The following CSF2RA variants were observed in gnomAD, a reference collection of about 807,000 sequenced individuals.
The protein encoded by CSF2RA is colony stimulating factor 2 receptor subunit alpha, also known as granulocyte-macrophage colony-stimulating factor receptor subunit alpha.
In CSF2RA, 42 loss-of-function variants were observed where a neutral mutation model predicts 51.6. That is an observed-to-expected ratio of 0.81 (90% CI 0.64 to 1.05). The LOEUF is 1.05. Among genes scored for constraint, CSF2RA ranks in the 50% least tolerant of loss-of-function variants. The pLI, the probability that CSF2RA is intolerant of heterozygous loss-of-function variation, is 0.00. For synonymous variants in CSF2RA, 222 were observed against 193.0 expected, an observed-to-expected ratio of 1.15 and a Z score of -1.24; for missense variants, 530 against 501.1, an observed-to-expected ratio of 1.06 and a Z score of -0.55.
At chrX:1,277,867 C>T (rs2089398662) in intron 2 of CSF2RA, among the ~76,000 whole-genome samples, 1 of 147,942 alleles carries the variant, frequency 6.8e-6, no homozygotes, top group Admixed American at 6.9e-5. Context: ...GTCCCAGCTA[C>T]TCGGGAGGCT....
rs1163547650 is a variant in CSF2RA, at chrX:1,283,478, CTCTCTCTCTT to C, written c.76+703_76+712del. Among the ~76,000 whole-genome samples the C allele has an allele frequency of 1.9e-4, 16 of 83,810 alleles. No homozygotes were observed. The East Asian group carries it at 2.9e-3, about 15-fold the overall frequency. 55.0% of individuals were successfully genotyped at this position (83,810 alleles called of 152,430 possible). On this transcript the variant is annotated intron_variant, in intron 3 of 12. Coordinates refer to ENST00000381529, the MANE Select transcript of CSF2RA (RefSeq NM_172245.4). ...CTTCCTTCCCTCCCTCCCTCCCTCT[CTCTCTCTCTT>C]TCTTTCTTTCTTTCTCCTTTTTTTT...
the CSF2RA span, among the ~76,000 whole-genome samples, chrX:1,325,000 C>T: frequency 6.6e-5 from 10 of 151,950 alleles, no homozygotes; most frequent in Non-Finnish European, 1.3e-4. Context: ...AACTGGCCAC[C>T]GACACCAGGT....
At chrX:1,319,172 T>A in the CSF2RA span, among the ~76,000 whole-genome samples, 2 of 148,814 alleles carry the variant, frequency 1.3e-5, no homozygotes, top group Non-Finnish European at 3.0e-5. Flanking sequence ...ATTTTTGTAT[T>A]TTTAGTAAAG....
rs1324099007 is a variant in CSF2RA at position 1,281,063 on chromosome X, C to CTCCTTCTCCTCCTCT, written c.-26-1601_-26-1600insTTCCTTCTCCTCCTC. On this transcript the variant is annotated intron_variant, in intron 2 of 12. Transcript: ENST00000381529. ...TTCTCCTCCTGCTCCCCTTCTCCTC[C>CTCCTTCTCCTCCTCT]TCCTTCTCCTCCTCCTCCTTCTCCT... 2.3e-3 allele frequency among the ~76,000 whole-genome samples: 199 copies of CTCCTTCTCCTCCTCT among 85,004 alleles called. 11 individuals are homozygous for CTCCTTCTCCTCCTCT. Among genetic ancestry groups the CTCCTTCTCCTCCTCT allele is most frequent in the African/African-American group, 9.2e-3 (190 of 20,748 alleles). The allele number at this position is 85,004 out of a possible 152,430, so 55.8% of individuals were successfully genotyped here. A position where few individuals can be genotyped will look rare whatever the true frequency, so the allele number is the denominator to read the frequency against.
At chrX:1,301,165 A>G (rs2092342613) in intron 10 of CSF2RA, among the ~76,000 whole-genome samples, 1 of 111,526 alleles carries the variant, frequency 9.0e-6, no homozygotes, top group Non-Finnish European at 2.0e-5. Context: ...AAAAAAAAAG[A>G]AAAAAAAATA....
At chrX:1,282,857 C>G in intron 3 of CSF2RA, 78 bp downstream of exon 3, 1 of 1,173,140 alleles carries the variant, frequency 8.5e-7, no homozygotes. Context: ...ATCTGGATAC[C>G]TGGGTCCATC....
At chrX:1,295,319 ACTCCTTCCC>A in intron 8 of CSF2RA, 99 bp from the exon 9 acceptor site, 2 of 1,395,506 alleles carry the variant, frequency 1.4e-6, no homozygotes. Context: ...CTCCGCAGGG[ACTCCTTCCC>A]ATTCGGTGCC....
intron 8 of CSF2RA, 144 bp from the exon 9 acceptor site, chrX:1,295,283 G>A: frequency 2.0e-6 from 2 of 980,578 alleles, no homozygotes; most frequent in Non-Finnish European, 3.3e-6. Context: ...TAGATTCGGG[G>A]TTTGTGGAGG....
At chrX:1,317,246 C>CTTTTTTTTTTTTTTTT in the CSF2RA span, among the ~76,000 whole-genome samples, 69 of 57,830 alleles carry the variant, frequency 1.2e-3, no homozygotes, top group Admixed American at 1.5e-3. Flanking sequence ...CCACGCTCAG[C>CTTTTTTTTTTTTTTTT]TTTTTTTTTT....
intron 10 of CSF2RA, among the ~76,000 whole-genome samples, chrX:1,301,164 G>GAA (rs367840456): frequency 7.1e-5 from 8 of 112,774 alleles, no homozygotes; most frequent in Non-Finnish European, 1.1e-4. Flanking sequence ...AAAAAAAAAA[G>GAA]AAAAAAAAAT....
chrX:1,280,791 G>T, intron 2 of CSF2RA, among the ~76,000 whole-genome samples: 1 of 136,320 alleles, frequency 7.3e-6, no homozygotes. Flanking sequence ...GAAGTATATT[G>T]ACATGGATCC....
At position 1,309,929 on chromosome X, in the gene CSF2RA, G is replaced by C; in HGVS notation, c.*450G>C. 2 of 566,978 alleles carry C rather than the reference G, an allele frequency of 3.5e-6. No homozygotes were observed. Among genetic ancestry groups the C allele is most frequent in the Non-Finnish European group, 6.2e-6 (2 of 322,634 alleles). The allele number at this position is 566,978 out of a possible 1,614,324, so 35.1% of individuals were successfully genotyped here. Reference sequence around the variant, plus strand: ...ATAAATAATAAAAACCTGATATTTGGCTGGGCGCCGTGGCTCATGCCTGTA... The same window carrying C: ...ATAAATAATAAAAACCTGATATTTGCCTGGGCGCCGTGGCTCATGCCTGTA... On this transcript the variant is annotated 3_prime_UTR_variant, in exon 13 of 13. Transcript: ENST00000381529.
chrX:1,286,428 G>A (rs1415271732), intron 4 of CSF2RA, among the ~76,000 whole-genome samples: 2 of 151,324 alleles, frequency 1.3e-5, no homozygotes, highest in African/African-American at 4.9e-5. Context: ...AATTAGTCGG[G>A]CATGGTGGCA....
chrX:1,290,852 C>G (rs1436369500), intron 7 of CSF2RA, among the ~76,000 whole-genome samples: 8 of 152,108 alleles, frequency 5.3e-5, no homozygotes, highest in Non-Finnish European at 8.8e-5. Context: ...CAGAGCAAGA[C>G]TCTGTCTCAA....
At chrX:1,280,871 CCTTCTCCTGCTCCT>C (rs2089845595) in intron 2 of CSF2RA, among the ~76,000 whole-genome samples, 1 of 112,766 alleles carries the variant, frequency 8.9e-6, no homozygotes, top group African/African-American at 3.7e-5. Flanking sequence ...TCCTCCTCCT[CCTTCTCCTGCTCCT>C]TCTCCTCCTC....
chrX:1,285,688 C>G (rs1319423819), intron 3 of CSF2RA, 90 bp from the exon 4 acceptor site: 9 of 1,403,664 alleles, frequency 6.4e-6, no homozygotes, highest in Non-Finnish European at 8.6e-6. Context: ...GGAGACAAAG[C>G]CAGACTCCGT....
chrX:1,296,033 A>G (rs1311487971), intron 9 of CSF2RA, among the ~76,000 whole-genome samples: 1 of 149,968 alleles, frequency 6.7e-6, no homozygotes, highest in African/African-American at 2.5e-5. Flanking sequence ...ACAGTTCCCT[A>G]TTCATGACCC....
chrX:1,319,040 G>A, the CSF2RA span, among the ~76,000 whole-genome samples: 1 of 137,660 alleles, frequency 7.3e-6, no homozygotes, highest in East Asian at 2.3e-4. Flanking sequence ...CTGTCACCCA[G>A]GCTGGAGTAC....
At chrX:1,314,972 G>GCCTGCCCAACCGCACTGCA (rs1343038808), downstream of CSF2RA, among the ~76,000 whole-genome samples, 2 of 45,150 alleles carry the variant, frequency 4.4e-5, no homozygotes, top group African/African-American at 7.3e-5. Context: ...ACCCCACTGT[G>GCCTGCCCAACCGCACTGCA]CCTGCCCAAT....
Sources: allele counts gnomAD v4.1 joint callset (sites outside exome capture counted in the v4.1 genomes callset), GRCh38; gene constraint gnomAD v4.1.1; transcripts MANE v1.5; gene names NCBI Gene and HGNC (gene_info 2026-07-23, HGNC 2026-07-21).